The following PDE8B variants were observed in gnomAD, a reference collection of about 807,000 sequenced individuals.
PDE8B encodes the protein phosphodiesterase 8B.
In PDE8B, 26 loss-of-function variants were observed where a neutral mutation model predicts 101.3. The observed-to-expected ratio is 0.26, with a 90% CI of 0.19 to 0.36. The LOEUF (loss-of-function observed/expected upper bound fraction) is 0.36, where lower values mean the gene tolerates loss of function less well. PDE8B is among the 10% of genes least tolerant of loss of function. The pLI, the probability that PDE8B is intolerant of heterozygous loss-of-function variation, is 1.00. For synonymous variants in PDE8B, 424 were observed against 429.3 expected, an observed-to-expected ratio of 0.99 and a Z score of 0.15; for missense variants, 810 against 1,163.1, an observed-to-expected ratio of 0.70 and a Z score of 4.42.
intron 21 of PDE8B, 144 bp downstream of exon 21, chr5:77,426,040 G>A (rs1419835818): frequency 6.4e-6 from 5 of 775,484 alleles, no homozygotes; most frequent in Non-Finnish European, 1.1e-5. Context: ...AGTGGGGTGG[G>A]GTGCATTCTT....
At chr5:77,420,624 A>G (rs1459116686) in intron 19 of PDE8B, among the ~76,000 whole-genome samples, 1 of 152,122 alleles carries the variant, frequency 6.6e-6, no homozygotes, top group African/African-American at 2.4e-5. Context: ...GACCCATCCC[A>G]TGACCAGTCT....
intron 6 of PDE8B, among the ~76,000 whole-genome samples, chr5:77,344,363 T>C (rs995134323): frequency 1.1e-4 from 17 of 152,346 alleles, no homozygotes; most frequent in African/African-American, 3.4e-4. Flanking sequence ...AGGACCACCA[T>C]TGTATATTGA....
rs535375447 is a variant in PDE8B, at chr5:77,305,412, G to A, written c.340-6582G>A. Among the ~76,000 whole-genome samples the A allele has an allele frequency of 2.0e-5, 3 of 152,322 alleles. No individual in the cohort carries two copies. In the East Asian group the frequency reaches 5.8e-4, roughly 29 times the overall value. On this transcript the variant is annotated intron_variant, in intron 1 of 21. Transcript: ENST00000264917. Reference sequence around the variant, plus strand: ...CTGGAGGGCAGCCAGACCACAGCCAGGTAAGGCTGGAGGCTGGAGTGAGGG... The same window carrying A: ...CTGGAGGGCAGCCAGACCACAGCCAAGTAAGGCTGGAGGCTGGAGTGAGGG...
intron 7 of PDE8B, among the ~76,000 whole-genome samples, chr5:77,347,140 G>T (rs1780295756): frequency 6.6e-6 from 1 of 152,002 alleles, no homozygotes; most frequent in Non-Finnish European, 1.5e-5. Context: ...ATATGTATTT[G>T]CTTTAAAACA....
chr5:77,107,991 A>G, the PDE8B span, among the ~76,000 whole-genome samples: 2 of 152,166 alleles, frequency 1.3e-5, no homozygotes, highest in African/African-American at 4.8e-5. Context: ...AGAATTTGTA[A>G]CAGATCGCAG....
the PDE8B span, among the ~76,000 whole-genome samples, chr5:77,162,354 C>G: frequency 4.6e-5 from 7 of 152,096 alleles, no homozygotes; most frequent in African/African-American, 1.7e-4. Flanking sequence ...CCCCTAAGTT[C>G]ATCTGTAGAT....
chr5:77,424,837 T>TTAA (rs1797638254), intron 20 of PDE8B, among the ~76,000 whole-genome samples: 1 of 151,586 alleles, frequency 6.6e-6, no homozygotes, highest in African/African-American at 2.4e-5. Flanking sequence ...TTTTTTGTTT[T>TTAA]TAATGTGAGA....
At chr5:77,274,975 C>T in intron 1 of PDE8B, among the ~76,000 whole-genome samples, 1 of 151,732 alleles carries the variant, frequency 6.6e-6, no homozygotes. Flanking sequence ...ATCCACTGGC[C>T]CACTAAAAGA....
intron 1 of PDE8B, chr5:77,291,135 G>C: frequency 1.2e-6 from 2 of 1,610,852 alleles, no homozygotes; most frequent in Non-Finnish European, 1.7e-6. Flanking sequence ...TGTTCCATCA[G>C]CTCTCTTCAC....
chr5:77,364,488 G>C (rs1783745878), intron 10 of PDE8B, among the ~76,000 whole-genome samples: 1 of 152,164 alleles, frequency 6.6e-6, no homozygotes, highest in Non-Finnish European at 1.5e-5. Context: ...AAGTGAGGAG[G>C]AGGAAGAATT....
At chr5:77,152,483 C>T in the PDE8B span, among the ~76,000 whole-genome samples, 1 of 152,130 alleles carries the variant, frequency 6.6e-6, no homozygotes, top group Non-Finnish European at 1.5e-5. Flanking sequence ...GCAGGCATCT[C>T]CTGCACCCAG....
chr5:77,338,976 G>A (rs1238974872), intron 6 of PDE8B, among the ~76,000 whole-genome samples: 2 of 152,150 alleles, frequency 1.3e-5, no homozygotes, highest in Non-Finnish European at 2.9e-5. Flanking sequence ...GGCACTGGGG[G>A]GCTGTCCCAG....
chr5:77,092,741 A>T, the PDE8B span, among the ~76,000 whole-genome samples: 11 of 152,126 alleles, frequency 7.2e-5, no homozygotes, highest in East Asian at 1.9e-3. Flanking sequence ...CGACATGGTG[A>T]AATCACCTCT....
chr5:77,148,762 T>C, the PDE8B span, among the ~76,000 whole-genome samples: 1 of 152,234 alleles, frequency 6.6e-6, no homozygotes, highest in Non-Finnish European at 1.5e-5. Flanking sequence ...GTTTTTTCTT[T>C]ATTCTGTGCA....
chr5:77,092,480 T>G, the PDE8B span: 1 of 152,204 alleles, frequency 6.6e-6, no homozygotes, highest in Non-Finnish European at 1.5e-5. Context: ...AAATAACATT[T>G]AATTTTCACA....
At chr5:77,391,099 C>G (rs1307434527) in intron 10 of PDE8B, among the ~76,000 whole-genome samples, 1 of 152,178 alleles carries the variant, frequency 6.6e-6, no homozygotes, top group Non-Finnish European at 1.5e-5. Context: ...TCCCAATGAG[C>G]TCAACTAAGT....
chr5:77,169,702 T>C, the PDE8B span, among the ~76,000 whole-genome samples: 10 of 152,154 alleles, frequency 6.6e-5, no homozygotes, highest in Non-Finnish European at 1.3e-4. Context: ...CACCTGACCC[T>C]CATCCCCATC....
At chr5:77,254,241 C>T (rs1758653666) in intron 1 of PDE8B, among the ~76,000 whole-genome samples, 1 of 152,102 alleles carries the variant, frequency 6.6e-6, no homozygotes, top group Non-Finnish European at 1.5e-5. Flanking sequence ...TGAGAGGTGT[C>T]TGAGACATCG....
chr5:77,213,586 A>G (rs1047872191), intron 1 of PDE8B, among the ~76,000 whole-genome samples: 2 of 152,164 alleles, frequency 1.3e-5, no homozygotes, highest in East Asian at 3.8e-4. Context: ...TTTTTGCCGT[A>G]AGAGTTTGAG....
Sources: allele counts gnomAD v4.1 joint callset (sites outside exome capture counted in the v4.1 genomes callset), GRCh38; gene constraint gnomAD v4.1.1; transcripts MANE v1.5; gene names NCBI Gene and HGNC (gene_info 2026-07-23, HGNC 2026-07-21).